Variants in TCERG1 observed in about 807,000 individuals in gnomAD.
TCERG1 encodes TATA box binding protein (TBP)-associated factor, RNA polymerase II, S, 150kD.
A neutral mutation model predicts 144.7 loss-of-function variants in TCERG1; 37 were observed. The observed-to-expected ratio is 0.26, with a 90% CI of 0.20 to 0.34. The LOEUF is 0.34. Among genes scored for constraint, TCERG1 ranks in the 10% least tolerant of loss-of-function variants. The pLI is 1.00. For synonymous variants in TCERG1, 492 were observed against 458.2 expected (o/e 1.07, Z -0.94); for missense variants, 1,027 against 1,380.7 (o/e 0.74, Z 4.06).
chr5:146,493,109 A>G (rs1428196220), intron 16 of TCERG1, 71 bp downstream of exon 16: 1 of 1,156,694 alleles, frequency 8.6e-7, no homozygotes. Context: ...TAAAAATTAA[A>G]AAAATAGATA....
At chr5:146,506,917 G>C in intron 19 of TCERG1, 111 bp from the exon 20 acceptor site, 2 of 851,152 alleles carry the variant, frequency 2.3e-6, no homozygotes, top group South Asian at 5.8e-5. Flanking sequence ...TAGACACTTA[G>C]GTTGATTCCA....
chr5:146,482,380 C>T, intron 13 of TCERG1: 1 of 377,310 alleles, frequency 2.7e-6, no homozygotes, highest in Non-Finnish European at 4.7e-6. Flanking sequence ...AATAATGTAG[C>T]CATTGTAAAT....
intron 9 of TCERG1, among the ~76,000 whole-genome samples, chr5:146,475,467 G>A (rs915631475): frequency 7.2e-5 from 11 of 152,024 alleles, no homozygotes; most frequent in Non-Finnish European, 1.5e-4. Flanking sequence ...TAGATGCTAG[G>A]GATGCTCTAA....
intron 1 of TCERG1, among the ~76,000 whole-genome samples, chr5:146,453,982 G>A (rs1387721162): frequency 6.6e-5 from 10 of 151,024 alleles, no homozygotes; most frequent in African/African-American, 1.7e-4. Flanking sequence ...CAGATCATGC[G>A]GTCAGGAGAT....
In TCERG1 at chr5:146,510,726, C is replaced by A. The variant is rs1561714893; in HGVS notation, c.*84C>A. On this transcript the variant is annotated 3_prime_UTR_variant, in exon 23 of 23. Transcript: ENST00000679501. ...GGTTTTTACATATATGTGCATTAGT[C>A]AACCTATTGCGAAACCATCTGACAA... The A allele has an allele frequency of 7.7e-7, 1 of 1,306,920 alleles. No individual in the cohort carries two copies. The highest frequency in any genetic ancestry group is 1.0e-6 in the Non-Finnish European group (1 of 957,798). The allele number at this position is 1,306,920 out of a possible 1,614,324, so 81.0% of individuals were successfully genotyped here.
chr5:146,503,370 T>C lies in TCERG1; in HGVS notation c.2434-5T>C. On this transcript the variant is annotated splice_polypyrimidine_tract_variant and splice_region_variant and intron_variant, in intron 17 of 22. Coordinates refer to ENST00000679501, the MANE Select transcript of TCERG1 (RefSeq NM_001382548.1). ...TCCCATCCCACTACCTGTTTTAAAATACAGATTAAATCGGATTTCTTTGAA... is the reference window on the plus strand; with the variant it reads ...TCCCATCCCACTACCTGTTTTAAAACACAGATTAAATCGGATTTCTTTGAA... 5.6e-6 allele frequency: 9 copies of C among 1,611,856 alleles called. No individual in the cohort carries two copies. The highest frequency in any genetic ancestry group is 1.1e-5 in the South Asian group (1 of 90,806).
intron 12 of TCERG1, 107 bp downstream of exon 12, chr5:146,480,201 C>A (rs982462516): frequency 2.4e-4 from 183 of 766,976 alleles, no homozygotes; most frequent in Non-Finnish European, 5.9e-5. Flanking sequence ...TGTTAGGAGG[C>A]ATGATTGCTC....
intron 16 of TCERG1, among the ~76,000 whole-genome samples, chr5:146,497,621 A>G (rs1767054158): frequency 6.6e-6 from 1 of 152,206 alleles, no homozygotes; most frequent in Non-Finnish European, 1.5e-5. Context: ...GGAGTCTGTT[A>G]CCTTTCATTG....
At chr5:146,478,446 A>T in intron 9 of TCERG1, 47 bp from the exon 10 acceptor site, 1 of 1,504,606 alleles carries the variant, frequency 6.6e-7, no homozygotes, top group Non-Finnish European at 8.9e-7. Context: ...CTAGCTGTAA[A>T]ATATGTTCTG....
At chr5:146,509,888 AAG>A (rs1768329157) in intron 22 of TCERG1, among the ~76,000 whole-genome samples, 1 of 152,166 alleles carries the variant, frequency 6.6e-6, no homozygotes, top group South Asian at 2.1e-4. Flanking sequence ...TTTCTTCTTT[AAG>A]AGAGAAATTT....
At chr5:146,497,201 C>T (rs1247805602) in intron 16 of TCERG1, among the ~76,000 whole-genome samples, 1 of 152,010 alleles carries the variant, frequency 6.6e-6, no homozygotes, top group African/African-American at 2.4e-5. Flanking sequence ...GATTCAAGGC[C>T]TTGCTCTGTT....
intron 17 of TCERG1, among the ~76,000 whole-genome samples, chr5:146,501,798 A>G (rs1581566770): frequency 1.3e-5 from 2 of 151,306 alleles, no homozygotes; most frequent in African/African-American, 4.8e-5. Flanking sequence ...TCCACAGCCA[A>G]TTAGCTGTTG....
At chr5:146,498,111 C>G (rs1767101044) in intron 16 of TCERG1, among the ~76,000 whole-genome samples, 1 of 152,092 alleles carries the variant, frequency 6.6e-6, no homozygotes, top group African/African-American at 2.4e-5. Flanking sequence ...CTGTTGTCTA[C>G]TCCTTGAAAT....
In TCERG1 at chr5:146,510,845, A is replaced by C; in HGVS notation, c.*203A>C. ...TGTGGCATGACTGACATACATACTC[A>C]AATATAGGCTGTCTCTAGTAAATCT... On this transcript the variant is annotated 3_prime_UTR_variant, in exon 23 of 23. Transcript: ENST00000679501. 1 of 434,368 alleles carries C rather than the reference A, an allele frequency of 2.3e-6. No homozygotes were observed. The highest frequency in any genetic ancestry group is 4.0e-6 in the Non-Finnish European group (1 of 248,672). 26.9% of individuals were successfully genotyped at this position (434,368 alleles called of 1,614,324 possible).
intron 5 of TCERG1, among the ~76,000 whole-genome samples, chr5:146,467,358 G>A (rs1763884026): frequency 6.6e-6 from 1 of 151,490 alleles, no homozygotes; most frequent in Admixed American, 6.6e-5. Context: ...AGTTTTTTCA[G>A]CTGAAAAAAA....
In TCERG1 at chr5:146,472,261, C is replaced by T. The variant is rs1376475421; in HGVS notation, c.1601+685C>T. On this transcript the variant is annotated intron_variant, in intron 9 of 22. Transcript: ENST00000679501. Reference sequence around the variant, plus strand: ...GCATACCTCATTTTATAGTGCTCCACTATCTTGTGCTTCATAGATACTGTG... The same window carrying T: ...GCATACCTCATTTTATAGTGCTCCATTATCTTGTGCTTCATAGATACTGTG... 2.0e-5 allele frequency among the ~76,000 whole-genome samples: 3 copies of T among 152,288 alleles called. No individual in the cohort carries two copies. The East Asian group carries it at 5.8e-4, about 29-fold the overall frequency.
At chr5:146,485,450 A>G (rs554546927) in intron 15 of TCERG1, among the ~76,000 whole-genome samples, 1 of 152,288 alleles carries the variant, frequency 6.6e-6, no homozygotes, top group Non-Finnish European at 1.5e-5. Context: ...TGCCTAATCT[A>G]AATATCTCTG....
At chr5:146,473,849 C>T (rs1764576328) in intron 9 of TCERG1, among the ~76,000 whole-genome samples, 1 of 152,192 alleles carries the variant, frequency 6.6e-6, no homozygotes. Flanking sequence ...CAAAGCACCT[C>T]TTCACCCAAG....
chr5:146,463,417 C>A, intron 4 of TCERG1, 134 bp from the exon 5 acceptor site: 1 of 1,283,742 alleles, frequency 7.8e-7, no homozygotes, highest in Non-Finnish European at 1.1e-6. Context: ...GAAGATAAGA[C>A]CTTTTGACAA....
Sources: gnomAD v4.1 joint callset for allele counts (sites outside exome capture counted in the v4.1 genomes callset) on GRCh38, gnomAD v4.1.1 for gene constraint, MANE v1.5 for transcripts, NCBI Gene and HGNC (gene_info 2026-07-23, HGNC 2026-07-21) for gene names.